Variants in FSIP2 observed in about 807,000 individuals in gnomAD.
FSIP2 encodes the protein fibrous sheath interacting protein 2, also known as fibrous sheath-interacting protein 2.
In FSIP2, 367 loss-of-function variants were observed where a neutral mutation model predicts 510.5. The observed-to-expected ratio is 0.72, with a 90% CI of 0.66 to 0.78. FSIP2 has a LOEUF of 0.78. Among genes scored for constraint, FSIP2 ranks in the 30% least tolerant of loss-of-function variants. The pLI is 0.00. For missense variants in FSIP2, 7,594 were observed against 7,901.7 expected, an observed-to-expected ratio of 0.96 and a Z score of 1.48; for synonymous variants, 2,601 against 2,732.2, an observed-to-expected ratio of 0.95 and a Z score of 1.50.
At position 185,808,831 on chromosome 2, in the gene FSIP2, GA is replaced by G; in HGVS notation, c.19526del (p.Asp6509ValfsTer13). On this transcript the variant is annotated frameshift_variant, in exon 17 of 23. Transcript: ENST00000424728. LOFTEE classifies it high-confidence loss of function. ...TCCTGAATTAGAGCAAGAAAAGTTA[GA>G]TCAAAATTTATCTGAAGAGGAATCT... ...VIPELEQEKL[D>X]QNLSEEESPI... The G allele has an allele frequency of 6.2e-7, 1 of 1,612,536 alleles. No homozygotes were observed. The highest frequency in any genetic ancestry group is 8.5e-7 in the Non-Finnish European group (1 of 1,179,366).
rs745969160 is a variant in FSIP2, at chr2:185,808,849, G to T, written c.19543G>T (p.Glu6515Ter). ...QEKLDQNLSEEESPIKIVPHV... is the reference protein window; with the variant it reads ...QEKLDQNLSE The stretch of plus-strand genomic sequence containing the variant: ...AAAGTTAGATCAAAATTTATCTGAA[G>T]AGGAATCTCCAATTAAAATAGTTCC... The change falls in exon 17 of 23, where the codon GAG becomes TAG. Residue 6515 changes from glutamate (E) to a stop codon, truncating the protein, a stop_gained. Coordinates refer to ENST00000424728, the MANE Select transcript of FSIP2 (RefSeq NM_173651.4). LOFTEE classifies it high-confidence loss of function. The T allele has an allele frequency of 1.2e-6, 2 of 1,612,080 alleles. No individual in the cohort carries two copies. The highest frequency in any genetic ancestry group is 2.2e-5 in the South Asian group (2 of 90,676).
intron 13 of FSIP2, among the ~76,000 whole-genome samples, chr2:185,773,271 T>C (rs745686262): frequency 6.6e-6 from 1 of 152,206 alleles, no homozygotes; most frequent in East Asian, 1.9e-4. Flanking sequence ...TTGTTAAACA[T>C]AGAATTCTTG....
rs1693382971 is a variant in FSIP2 at position 185,799,801 on chromosome 2, T to G, written c.10495T>G (p.Cys3499Gly). The stretch of plus-strand genomic sequence containing the variant: ...CGATGATTCTTCAATTTATCAATGT[T>G]GTGAACATCTCACTGAGTCAGTACT... ...IYDDSSIYQC[C>G]EHLTESVLYH... is the part of the protein sequence containing the mutation. Residue 3499 changes from cysteine to glycine, a missense_variant, in exon 17 of 23, where the codon TGT becomes GGT. Coordinates refer to ENST00000424728, the MANE Select transcript of FSIP2 (RefSeq NM_173651.4). 2 of 1,531,108 alleles carry G rather than the reference T, an allele frequency of 1.3e-6. No individual in the cohort carries two copies. The highest frequency in any genetic ancestry group is 2.7e-5 in the African/African-American group (2 of 72,890). 94.8% of individuals were successfully genotyped at this position (1,531,108 alleles called of 1,614,324 possible). A position where few individuals can be genotyped will look rare whatever the true frequency, so the allele number is the denominator to read the frequency against.
chr2:185,831,611 A>T (rs1428934683), intron 21 of FSIP2, among the ~76,000 whole-genome samples: 1 of 151,924 alleles, frequency 6.6e-6, no homozygotes, highest in Non-Finnish European at 1.5e-5. Flanking sequence ...AACAAGGGTC[A>T]ATCTTAGGCA....
chr2:185,822,261 T>C (rs963326760), intron 19 of FSIP2, among the ~76,000 whole-genome samples: 1 of 151,904 alleles, frequency 6.6e-6, no homozygotes, highest in African/African-American at 2.4e-5. Flanking sequence ...GCATTCTAAT[T>C]GGATGAGTAG....
In FSIP2 at chr2:185,782,026, C is replaced by T. The variant is rs368933910; in HGVS notation, c.1412-679C>T. ...AATCTTTTTGTATTTTTAATAGAGA[C>T]GGGGTTTCACCGTGTTAGCCAGGAT... On this transcript the variant is annotated intron_variant, in intron 13 of 22. Transcript: ENST00000424728. Among the ~76,000 whole-genome samples, 42 of 152,200 alleles carry T rather than the reference C, an allele frequency of 2.8e-4. No homozygotes were observed. The East Asian group carries it at 3.5e-3, about 13-fold the overall frequency.
In FSIP2 at chr2:185,802,668, C is replaced by A; in HGVS notation, c.13362C>A (p.Ser4454Arg). The A allele has an allele frequency of 6.5e-7, 1 of 1,533,516 alleles. No individual in the cohort carries two copies. Among genetic ancestry groups the A allele is most frequent in the Non-Finnish European group, 8.7e-7 (1 of 1,145,272 alleles). 95.0% of individuals were successfully genotyped at this position (1,533,516 alleles called of 1,614,324 possible). ...ACATCAGTAAATCTACTGAGCCAAG[C>A]CAGAGTGTACCTCTATATAACACCT... ...LSNISKSTEP[S>R]QSVPLYNTLL... The change falls in exon 17 of 23, where the codon AGC becomes AGA. Residue 4454 changes from serine (S) to arginine (R), a missense_variant. Ser to Arg is a moderately radical substitution (Grantham distance 110). Coordinates refer to ENST00000424728, the MANE Select transcript of FSIP2 (RefSeq NM_173651.4).
At chr2:185,749,506 G>T (rs770998080) in intron 7 of FSIP2, among the ~76,000 whole-genome samples, 1 of 151,812 alleles carries the variant, frequency 6.6e-6, no homozygotes, top group Non-Finnish European at 1.5e-5. Flanking sequence ...GTCTTGCATT[G>T]TTAACAATCA....
At chr2:185,779,622 AAT>A (rs1458511519) in intron 13 of FSIP2, among the ~76,000 whole-genome samples, 1 of 152,052 alleles carries the variant, frequency 6.6e-6, no homozygotes, top group Non-Finnish European at 1.5e-5. Flanking sequence ...ATTATTGTCC[AAT>A]AGTTTAAATT....
Position 185,799,989 on chromosome 2 carries a change from T to C in FSIP2, c.10683T>C (p.Ser3561=). ...ISIGELALCI[S]EIIIKILFNN... ...TTGGAGAACTTGCTTTATGTATTTC[T>C]GAAATCATTATTAAAATTCTTTTTA... The change falls in exon 17 of 23, where the codon TCT becomes TCC. Residue 3561 remains serine, a synonymous_variant. Coordinates refer to ENST00000424728, the MANE Select transcript of FSIP2 (RefSeq NM_173651.4). The C allele has an allele frequency of 6.6e-7, 1 of 1,520,220 alleles. No homozygotes were observed. The highest frequency in any genetic ancestry group is 1.2e-5 in the South Asian group (1 of 82,034). 94.2% of individuals were successfully genotyped at this position (1,520,220 alleles called of 1,614,324 possible). A position where few individuals can be genotyped will look rare whatever the true frequency, so the allele number is the denominator to read the frequency against.
Position 185,800,525 on chromosome 2 carries a change from C to T in FSIP2, c.11219C>T (p.Thr3740Ile), listed in dbSNP as rs554210799. The change falls in exon 17 of 23, where the codon ACC (threonine) becomes ATC (isoleucine). Residue 3740 changes from threonine (T) to isoleucine (I), a missense_variant. Transcript: ENST00000424728. ...SNNEQPNSIL[T>I]NNLQLSSKSV... Reference sequence around the variant, plus strand: ...AATGAGCAACCTAATAGCATACTTACCAATAACCTACAGCTCTCCTCAAAA... The same window carrying T: ...AATGAGCAACCTAATAGCATACTTATCAATAACCTACAGCTCTCCTCAAAA... The T allele has an allele frequency of 3.3e-6, 5 of 1,530,946 alleles. No individual in the cohort carries two copies. Among genetic ancestry groups the T allele is most frequent in the East Asian group, 4.9e-5 (2 of 40,804 alleles). 94.8% of individuals were successfully genotyped at this position (1,530,946 alleles called of 1,614,324 possible). A position where few individuals can be genotyped will look rare whatever the true frequency, so the allele number is the denominator to read the frequency against.
chr2:185,790,517 T>A lies in FSIP2; in HGVS notation c.3381T>A (p.Gly1127=). 1 of 1,534,120 alleles carries A rather than the reference T, an allele frequency of 6.5e-7. No homozygotes were observed. The highest frequency in any genetic ancestry group is 2.4e-5 in the East Asian group (1 of 40,836). The change falls in exon 16 of 23, where the codon GGT becomes GGA. Residue 1127 remains glycine, a synonymous_variant. Transcript: ENST00000424728. ...AGGACATATCTTCCGTTCCTTTTGG[T>A]CACTTAGACAGCAAAACTGGCAGTG... ...MLKDISSVPF[G]HLDSKTGSEA...
At position 185,792,531 on chromosome 2, in the gene FSIP2, G is replaced by A; in HGVS notation, c.5395G>A (p.Val1799Ile). 2.6e-6 allele frequency: 4 copies of A among 1,530,098 alleles called. No homozygotes were observed. The highest frequency in any genetic ancestry group is 3.5e-6 in the Non-Finnish European group (4 of 1,142,350). The allele number at this position is 1,530,098 out of a possible 1,614,324, so 94.8% of individuals were successfully genotyped here. A position where few individuals can be genotyped will look rare whatever the true frequency, so the allele number is the denominator to read the frequency against. ...AAGTACTTTAATCAATCAATTAAAT[G>A]TCCTTTCTCTCTCCCACTCTAATTT... ...FQSTLINQLNVLSLSHSNFNG... is the reference protein window; with the variant it reads ...FQSTLINQLNILSLSHSNFNG... Residue 1799 changes from valine to isoleucine, a missense_variant, in exon 16 of 23, where the codon GTC (valine) becomes ATC (isoleucine). Transcript: ENST00000424728.
chr2:185,814,168 T>C, intron 18 of FSIP2, 126 bp downstream of exon 18: 1 of 954,404 alleles, frequency 1.0e-6, no homozygotes. Flanking sequence ...CCTGGTGATA[T>C]TTACAGGATA....
rs1313533663 is a variant in FSIP2, at chr2:185,791,971, A to G, written c.4835A>G (p.Lys1612Arg). The G allele has an allele frequency of 1.3e-6, 2 of 1,533,950 alleles. No individual in the cohort carries two copies. Among genetic ancestry groups the G allele is most frequent in the Admixed American group, 3.9e-5 (2 of 50,844 alleles). ...TTGGGTGCTATTAATGATGGAAATA[A>G]GAAAAGCAATAAGATAGGCTGGGAA... ...EILGAINDGN[K>R]KSNKIGWEYE... The change falls in exon 16 of 23, where the codon AAG (lysine) becomes AGG (arginine). Residue 1612 changes from lysine (K) to arginine (R), a missense_variant. Lys to Arg is a conservative substitution (Grantham distance 26). Coordinates refer to ENST00000424728, the MANE Select transcript of FSIP2 (RefSeq NM_173651.4).
chr2:185,793,958 C>A lies in FSIP2; in HGVS notation c.6822C>A (p.Thr2274=), dbSNP rs1303206143. The A allele has an allele frequency of 2.0e-6, 3 of 1,527,632 alleles. No individual in the cohort carries two copies. The highest frequency in any genetic ancestry group is 1.4e-5 in the African/African-American group (1 of 72,476). The allele number at this position is 1,527,632 out of a possible 1,614,324, so 94.6% of individuals were successfully genotyped here. A position where few individuals can be genotyped will look rare whatever the true frequency, so the allele number is the denominator to read the frequency against. Residue 2274 remains threonine, a synonymous_variant, in exon 16 of 23, where the codon ACC becomes ACA. Coordinates refer to ENST00000424728, the MANE Select transcript of FSIP2 (RefSeq NM_173651.4). ...CAGAAAGAATAGATTCATTAATTACCCTTGCTTTCCAAAGTAAAGAAAAGT... is the reference window on the plus strand; with the variant it reads ...CAGAAAGAATAGATTCATTAATTACACTTGCTTTCCAAAGTAAAGAAAAGT... ...FATERIDSLI[T]LAFQSKEKSF... is the part of the protein sequence containing the mutation.
intron 12 of FSIP2, among the ~76,000 whole-genome samples, chr2:185,763,722 C>A (rs1433959902): frequency 1.3e-5 from 2 of 151,508 alleles, no homozygotes; most frequent in Non-Finnish European, 3.0e-5. Context: ...TATTAACTAG[C>A]TCAACTGCCC....
At chr2:185,772,389 A>G (rs895442299) in intron 13 of FSIP2, among the ~76,000 whole-genome samples, 1 of 152,170 alleles carries the variant, frequency 6.6e-6, no homozygotes, top group Admixed American at 6.5e-5. Context: ...TAGTTTATAA[A>G]GAAAATAGGT....
Position 185,801,336 on chromosome 2 carries a change from T to G in FSIP2, c.12030T>G (p.Phe4010Leu). 1 of 1,533,844 alleles carries G rather than the reference T, an allele frequency of 6.5e-7. No homozygotes were observed. Among genetic ancestry groups the G allele is most frequent in the Non-Finnish European group, 8.7e-7 (1 of 1,145,334 alleles). Residue 4010 changes from phenylalanine to leucine, a missense_variant, in exon 17 of 23, where the codon TTT (phenylalanine) becomes TTG (leucine). By Grantham distance (22) the Phe-to-Leu change is conservative. Transcript: ENST00000424728. Reference protein sequence around the residue: ...VSWLNEMNTLFVNNVVNEFNN... With the variant: ...VSWLNEMNTLLVNNVVNEFNN... Reference sequence around the variant, plus strand: ...GGCTCAATGAGATGAATACATTATTTGTCAACAATGTAGTGAATGAATTTA... The same window carrying G: ...GGCTCAATGAGATGAATACATTATTGGTCAACAATGTAGTGAATGAATTTA...
Sources: gnomAD v4.1 joint callset for allele counts (sites outside exome capture counted in the v4.1 genomes callset) on GRCh38, gnomAD v4.1.1 for gene constraint, MANE v1.5 for transcripts, NCBI Gene and HGNC (gene_info 2026-07-23, HGNC 2026-07-21) for gene names.